CACNB2: variants seen among roughly 807,000 people sequenced by gnomAD.
CACNB2 encodes the protein calcium voltage-gated channel auxiliary subunit beta 2.
In CACNB2, 42 loss-of-function variants were observed where a neutral mutation model predicts 73.3. The observed-to-expected ratio is 0.57, with a 90% CI of 0.45 to 0.74. The LOEUF (loss-of-function observed/expected upper bound fraction) is 0.74. CACNB2 is among the 30% of genes least tolerant of loss of function. CACNB2 has a pLI of 0.00. For synonymous variants in CACNB2, 348 were observed against 310.3 expected, an observed-to-expected ratio of 1.12 and a Z score of -1.28; for missense variants, 940 against 853.0, an observed-to-expected ratio of 1.10 and a Z score of -1.27.
chr10:18,321,686 T>C lies in CACNB2; in HGVS notation c.214-80238T>C, dbSNP rs12259644. 7.6e-3 allele frequency among the ~76,000 whole-genome samples: 1,157 copies of C among 152,338 alleles called. 15 individuals are homozygous for C. Among genetic ancestry groups the C allele is most frequent in the African/African-American group, 0.026 (1,087 of 41,580 alleles). On this transcript the variant is annotated intron_variant, in intron 2 of 13. Transcript: ENST00000324631. ...CATACTGTGTACTCACAAACTTTTT[T>C]TTTAAAGGAGAGAAGGCAGTTGGTG...
At chr10:18,406,121 G>C (rs1259351225) in intron 3 of CACNB2, among the ~76,000 whole-genome samples, 4 of 152,200 alleles carry the variant, frequency 2.6e-5, no homozygotes, top group Non-Finnish European at 5.9e-5. Flanking sequence ...CAAGGCCGGA[G>C]CCACAAAGAA....
At chr10:18,421,271 TA>T (rs764759888) in intron 3 of CACNB2, among the ~76,000 whole-genome samples, 158 of 151,974 alleles carry the variant, frequency 1.0e-3, no homozygotes, top group Non-Finnish European at 1.7e-3. Flanking sequence ...TTCATTGTAA[TA>T]TTACCAGTGT....
At chr10:18,182,821 C>CAAA (rs66540356) in intron 2 of CACNB2, among the ~76,000 whole-genome samples, 1 of 117,616 alleles carries the variant, frequency 8.5e-6, no homozygotes, top group Non-Finnish European at 1.8e-5. Context: ...GACTCTGTCT[C>CAAA]AAAAAAAAAA....
In CACNB2 at chr10:18,412,527, T is replaced by A. The variant is rs181298282; in HGVS notation, c.333+10484T>A. Among the ~76,000 whole-genome samples the A allele has an allele frequency of 3.0e-4, 46 of 152,348 alleles. No individual in the cohort carries two copies. In the East Asian group the frequency reaches 6.6e-3, roughly 22 times the overall value. The stretch of plus-strand genomic sequence containing the variant: ...AAACTGATTTCTGTCTCCATCTCTT[T>A]ACTGAGGGTCTCTAGTGACTTCCTA... On this transcript the variant is annotated intron_variant, in intron 3 of 13. Coordinates refer to ENST00000324631, the MANE Select transcript of CACNB2 (RefSeq NM_201596.3).
At chr10:18,482,372 G>C (rs948075695) in intron 3 of CACNB2, among the ~76,000 whole-genome samples, 23 of 152,220 alleles carry the variant, frequency 1.5e-4, no homozygotes, top group Admixed American at 1.5e-3. Context: ...TATACCTCAG[G>C]GAAGTTCAGA....
chr10:18,404,361 T>C (rs1052722856), intron 3 of CACNB2, among the ~76,000 whole-genome samples: 1 of 152,164 alleles, frequency 6.6e-6, no homozygotes, highest in Admixed American at 6.5e-5. Context: ...GAAGGCTAGT[T>C]CCCTCTATAA....
intron 2 of CACNB2, among the ~76,000 whole-genome samples, chr10:18,209,580 CTTATAA>C (rs2035234048): frequency 6.6e-6 from 1 of 152,020 alleles, no homozygotes; most frequent in Non-Finnish European, 1.5e-5. Flanking sequence ...TATTTTTTCA[CTTATAA>C]TTAAATATGT....
At chr10:18,313,267 G>T (rs1407248335) in intron 2 of CACNB2, among the ~76,000 whole-genome samples, 1 of 149,420 alleles carries the variant, frequency 6.7e-6, no homozygotes, top group African/African-American at 2.5e-5. Flanking sequence ...TTTATAGCAG[G>T]TTCTCAGCCT....
intron 3 of CACNB2, among the ~76,000 whole-genome samples, chr10:18,465,513 G>A (rs923269286): frequency 5.9e-5 from 9 of 152,124 alleles, no homozygotes; most frequent in African/African-American, 1.4e-4. Flanking sequence ...GAGCACCCTC[G>A]TTCCACCTTC....
chr10:18,241,090 C>G (rs1266063809), intron 2 of CACNB2, among the ~76,000 whole-genome samples: 2 of 152,174 alleles, frequency 1.3e-5, no homozygotes, highest in Non-Finnish European at 2.9e-5. Context: ...AACATGCAAC[C>G]ATTTGTCTCT....
chr10:18,459,733 G>A (rs557316987), intron 3 of CACNB2, among the ~76,000 whole-genome samples: 153 of 152,328 alleles, frequency 1.0e-3, no homozygotes, highest in African/African-American at 3.5e-3. Flanking sequence ...CTGGCCGGGC[G>A]CAGTGGCTCA....
At position 18,193,309 on chromosome 10, in the gene CACNB2, C is replaced by T. The variant is rs2034488954; in HGVS notation, c.213+42334C>T. On this transcript the variant is annotated intron_variant, in intron 2 of 13. Coordinates refer to ENST00000324631, the MANE Select transcript of CACNB2 (RefSeq NM_201596.3). ...CAGTGATTGAATCATTATACATTTT[C>T]CCCAGCAATAAACAAGCATTCCAAT... Among the ~76,000 whole-genome samples, 3 of 148,936 alleles carry T rather than the reference C, an allele frequency of 2.0e-5. No individual in the cohort carries two copies. The South Asian group carries it at 6.3e-4, about 31-fold the overall frequency.
intron 9 of CACNB2, among the ~76,000 whole-genome samples, chr10:18,525,873 TATC>T (rs1309690477): frequency 6.6e-6 from 1 of 152,196 alleles, no homozygotes; most frequent in East Asian, 1.9e-4. Flanking sequence ...CTATTTCTAT[TATC>T]ATGTTACTTC....
In CACNB2 at chr10:18,160,268, G is replaced by A. The variant is rs754033753; in HGVS notation, c.213+9293G>A. ...CACTTTATAAACTAGGCTTGATTAAGTGCTCCAGTTATTAAAATAATTTTG... is the reference window on the plus strand; with the variant it reads ...CACTTTATAAACTAGGCTTGATTAAATGCTCCAGTTATTAAAATAATTTTG... On this transcript the variant is annotated intron_variant, in intron 2 of 13. Coordinates refer to ENST00000324631, the MANE Select transcript of CACNB2 (RefSeq NM_201596.3). Among the ~76,000 whole-genome samples the A allele has an allele frequency of 1.7e-3, 262 of 152,128 alleles. 1 individual carries two copies. The highest frequency in any genetic ancestry group is 1.9e-3 in the Non-Finnish European group (127 of 67,986).
At chr10:18,407,359 T>C (rs964860215) in intron 3 of CACNB2, among the ~76,000 whole-genome samples, 1 of 151,980 alleles carries the variant, frequency 6.6e-6, no homozygotes, top group African/African-American at 2.4e-5. Context: ...TGTCCTCAAG[T>C]GATCCATCTG....
At chr10:18,448,893 G>A (rs1357869687) in intron 3 of CACNB2, among the ~76,000 whole-genome samples, 2 of 152,232 alleles carry the variant, frequency 1.3e-5, no homozygotes, top group East Asian at 1.9e-4. Context: ...ATGTCCTAGA[G>A]TCTAGAAAGT....
chr10:18,171,381 G>T (rs780790647), intron 2 of CACNB2, among the ~76,000 whole-genome samples: 1 of 151,220 alleles, frequency 6.6e-6, no homozygotes, highest in Non-Finnish European at 1.5e-5. Context: ...GTATTCCTGG[G>T]CTGGGGGCAG....
rs368131698 is a variant in CACNB2, at chr10:18,186,414, C to T, written c.213+35439C>T. Among the ~76,000 whole-genome samples, 9 of 146,468 alleles carry T rather than the reference C, an allele frequency of 6.1e-5. No homozygotes were observed. The East Asian group carries it at 6.3e-4, about 10-fold the overall frequency. On this transcript the variant is annotated intron_variant, in intron 2 of 13. Coordinates refer to ENST00000324631, the MANE Select transcript of CACNB2 (RefSeq NM_201596.3). ...AGCCTGGGCAACAAGAGTGAAACTC[C>T]GTCTGAAAAAAAAAAAGAAAGAAAG...
chr10:18,440,644 C>A (rs992791447), intron 3 of CACNB2, among the ~76,000 whole-genome samples: 8 of 150,356 alleles, frequency 5.3e-5, no homozygotes, highest in African/African-American at 2.0e-4. Context: ...CTATCCCCCA[C>A]CCCCCAGAGA....
Sources: allele counts gnomAD v4.1 joint callset (sites outside exome capture counted in the v4.1 genomes callset), GRCh38; gene constraint gnomAD v4.1.1; transcripts MANE v1.5; gene names NCBI Gene and HGNC (gene_info 2026-07-23, HGNC 2026-07-21).